BDP1: variants seen among roughly 807,000 people sequenced by gnomAD.
BDP1 encodes the protein BDP1 general transcription factor IIIB subunit.
BDP1 carries 169 observed loss-of-function variants against 266.6 expected under a neutral mutation model. The observed-to-expected ratio is 0.63, with a 90% CI of 0.56 to 0.72. The LOEUF is 0.72. Among genes scored for constraint, BDP1 ranks in the 30% least tolerant of loss-of-function variants. BDP1 has a pLI of 0.00. For synonymous variants in BDP1, 1,090 were observed against 1,022.4 expected (o/e 1.07, Z -1.26); for missense variants, 3,015 against 3,053.8 (o/e 0.99, Z 0.30).
chr5:71,512,226 T>C lies in BDP1; in HGVS notation c.4060-15T>C, dbSNP rs746415483. 5 of 1,361,864 alleles carry C rather than the reference T, an allele frequency of 3.7e-6. No homozygotes were observed. The Admixed American group carries it at 1.4e-4, about 37-fold the overall frequency. 84.4% of individuals were successfully genotyped at this position (1,361,864 alleles called of 1,614,324 possible). ...CTCTTTTATTTGTGCTGATTTACTA[T>C]GACTGTTCCTCTAGAACATTAGCAG... On this transcript the variant is annotated splice_polypyrimidine_tract_variant and intron_variant, in intron 17 of 38. Coordinates refer to ENST00000358731, the MANE Select transcript of BDP1 (RefSeq NM_018429.3).
chr5:71,557,977 A>G (rs549233992), intron 36 of BDP1, among the ~76,000 whole-genome samples: 1 of 152,362 alleles, frequency 6.6e-6, no homozygotes, highest in Non-Finnish European at 1.5e-5. Context: ...TCTGTGGGAC[A>G]TTAAACCACT....
At chr5:71,484,678 A>G (rs961014206) in intron 8 of BDP1, among the ~76,000 whole-genome samples, 13 of 152,212 alleles carry the variant, frequency 8.5e-5, no homozygotes, top group African/African-American at 3.1e-4. Context: ...TTTACTGTTA[A>G]AAATAGTTCT....
At chr5:71,515,994 A>C in intron 20 of BDP1, 67 bp from the exon 21 acceptor site, 3 of 1,173,824 alleles carry the variant, frequency 2.6e-6, no homozygotes, top group Non-Finnish European at 3.6e-6. Flanking sequence ...CAAATTTTAC[A>C]TTTTTACATT....
intron 3 of BDP1, among the ~76,000 whole-genome samples, chr5:71,462,512 A>C (rs934081372): frequency 6.6e-6 from 1 of 152,102 alleles, no homozygotes; most frequent in African/African-American, 2.4e-5. Context: ...CCAGCACTTT[A>C]GGAGACCAAG....
rs1579975368 is a variant in BDP1 at position 71,461,999 on chromosome 5, G to A, written c.599+73G>A. 4 of 820,266 alleles carry A rather than the reference G, an allele frequency of 4.9e-6. No homozygotes were observed. In the East Asian group the frequency reaches 1.1e-4, roughly 22 times the overall value. The allele number at this position is 820,266 out of a possible 1,614,324, so 50.8% of individuals were successfully genotyped here. ...TTTTTTGGAGGTGGAGTCTCGCTCT[G>A]TCACCCGGGCTGGAGTGCAGTGGTG... On this transcript the variant is annotated intron_variant, in intron 3 of 38. Coordinates refer to ENST00000358731, the MANE Select transcript of BDP1 (RefSeq NM_018429.3).
In BDP1 at chr5:71,567,089, G is replaced by T. The variant is rs1202370896; in HGVS notation, c.*2204G>T. ...ATAAGTAGGCATTTATTTCATGATT[G>T]ATATGTCACAGAAATCATGGTAGTA... On this transcript the variant is annotated 3_prime_UTR_variant, in exon 39 of 39. Coordinates refer to ENST00000358731, the MANE Select transcript of BDP1 (RefSeq NM_018429.3). The T allele has an allele frequency of 1.3e-5, 2 of 152,118 alleles. No homozygotes were observed. Among genetic ancestry groups the T allele is most frequent in the Non-Finnish European group, 2.9e-5 (2 of 68,018 alleles). The allele number at this position is 152,118 out of a possible 1,614,324, so 9.4% of individuals were successfully genotyped here.
At chr5:71,524,489 T>C (rs912089522) in intron 25 of BDP1, among the ~76,000 whole-genome samples, 166 bp downstream of exon 25, 2 of 152,204 alleles carry the variant, frequency 1.3e-5, no homozygotes, top group Non-Finnish European at 2.9e-5. Context: ...TAACCTTTTG[T>C]GATTGCTCAG....
At chr5:71,521,992 A>C (rs902947691) in intron 22 of BDP1, among the ~76,000 whole-genome samples, 1 of 151,994 alleles carries the variant, frequency 6.6e-6, no homozygotes, top group Non-Finnish European at 1.5e-5. Flanking sequence ...GATTTCTCTG[A>C]AAATTAAAGT....
intron 25 of BDP1, among the ~76,000 whole-genome samples, chr5:71,531,209 A>G (rs1766224486): frequency 6.6e-6 from 1 of 152,168 alleles, no homozygotes; most frequent in Non-Finnish European, 1.5e-5. Flanking sequence ...TGTGGCCATC[A>G]TCGCACCACC....
chr5:71,527,364 A>G (rs1765953275), intron 25 of BDP1, among the ~76,000 whole-genome samples: 1 of 152,058 alleles, frequency 6.6e-6, no homozygotes, highest in South Asian at 2.1e-4. Context: ...TCTGCCTTGC[A>G]CCCCTGGCGA....
intron 7 of BDP1, among the ~76,000 whole-genome samples, chr5:71,474,550 TCTGACTC>T (rs1343960075): frequency 1.3e-5 from 2 of 152,000 alleles, no homozygotes; most frequent in Non-Finnish European, 2.9e-5. Context: ...CAGGTGGGTC[TCTGACTC>T]CTGAGGTTGG....
intron 16 of BDP1, among the ~76,000 whole-genome samples, chr5:71,507,429 T>TA (rs1305301472): frequency 2.0e-5 from 3 of 152,212 alleles, no homozygotes; most frequent in Non-Finnish European, 4.4e-5. Context: ...AATGGCAGTT[T>TA]AAAAAATCTA....
At chr5:71,530,779 A>G (rs1171471775) in intron 25 of BDP1, among the ~76,000 whole-genome samples, 2 of 152,204 alleles carry the variant, frequency 1.3e-5, no homozygotes, top group African/African-American at 4.8e-5. Context: ...TACAAATGTA[A>G]TTATAACAAA....
At chr5:71,509,360 G>T in intron 16 of BDP1, 105 bp from the exon 17 acceptor site, 3 of 1,295,826 alleles carry the variant, frequency 2.3e-6, no homozygotes, top group Non-Finnish European at 1.0e-6. Flanking sequence ...TAATTTTTTT[G>T]AATTTGAGAG....
rs1437120532 is a variant in BDP1 at position 71,501,617 on chromosome 5, CAGAG to C, written c.2020_2023del (p.Glu674IlefsTer22). The C allele has an allele frequency of 6.3e-7, 1 of 1,584,952 alleles. No homozygotes were observed. Among genetic ancestry groups the C allele is most frequent in the Non-Finnish European group, 8.6e-7 (1 of 1,165,646 alleles). On this transcript the variant is annotated frameshift_variant, in exon 14 of 39. Transcript: ENST00000358731. LOFTEE classifies it high-confidence loss of function. The stretch of plus-strand genomic sequence containing the variant: ...TTGGACATTTTGAGAATGGAGACTA[CAGAG>C]AGAGAGAATCCAGAAGCTGAAACTG...
At position 71,532,402 on chromosome 5, in the gene BDP1, A is replaced by T. The variant is rs768135914; in HGVS notation, c.5867A>T (p.Gln1956Leu). Reference sequence around the variant, plus strand: ...GATGTGACTACTGAAGAAATGAAACAAGAAGAAAATTTGAGTGTACCGTTT... The same window carrying T: ...GATGTGACTACTGAAGAAATGAAACTAGAAGAAAATTTGAGTGTACCGTTT... ...NTDVTTEEMK[Q>L]EENLSVPFEM... The change falls in exon 26 of 39, where the codon CAA (glutamine) becomes CTA (leucine). Residue 1956 changes from glutamine (Q) to leucine (L), a missense_variant. By Grantham distance (113) the Gln-to-Leu change is moderately radical (BLOSUM62 -2). Coordinates refer to ENST00000358731, the MANE Select transcript of BDP1 (RefSeq NM_018429.3). The T allele has an allele frequency of 1.2e-6, 2 of 1,613,736 alleles. No homozygotes were observed. Among genetic ancestry groups the T allele is most frequent in the South Asian group, 2.2e-5 (2 of 91,036 alleles).
At chr5:71,562,929 T>C in intron 38 of BDP1, 1 of 1,232,018 alleles carries the variant, frequency 8.1e-7, no homozygotes. Flanking sequence ...TGTAAACCTG[T>C]ATCAAAGACT....
intron 30 of BDP1, among the ~76,000 whole-genome samples, chr5:71,542,719 C>T (rs1447930547): frequency 6.9e-6 from 1 of 144,178 alleles, no homozygotes; most frequent in Non-Finnish European, 1.5e-5. Flanking sequence ...TATATATATT[C>T]ATGTATAACT....
chr5:71,498,974 T>C (rs1300420982), intron 13 of BDP1, among the ~76,000 whole-genome samples: 3 of 152,050 alleles, frequency 2.0e-5, no homozygotes, highest in Non-Finnish European at 4.4e-5. Flanking sequence ...TCCGTGTGCG[T>C]TGGCCTCTCA....
Sources: allele counts gnomAD v4.1 joint callset (sites outside exome capture counted in the v4.1 genomes callset), GRCh38; gene constraint gnomAD v4.1.1; transcripts MANE v1.5; gene names NCBI Gene and HGNC (gene_info 2026-07-23, HGNC 2026-07-21).